The following PDK1 variants were observed in gnomAD, a reference collection of about 807,000 sequenced individuals.
PDK1 encodes the protein [Pyruvate dehydrogenase (acetyl-transferring)] kinase isozyme 1, mitochondrial.
PDK1 carries 39 observed loss-of-function variants against 54.2 expected under a neutral mutation model. The observed-to-expected ratio is 0.72, with a 90% CI of 0.56 to 0.94. PDK1 has a LOEUF of 0.94. PDK1 is among the 40% of genes least tolerant of loss of function. PDK1 has a pLI of 0.00. For missense variants in PDK1, 552 were observed against 566.0 expected (o/e 0.98, Z 0.25); for synonymous variants, 221 against 207.1 (o/e 1.07, Z -0.58).
Position 172,568,874 on chromosome 2 carries a change from G to T in PDK1, c.846+57G>T, listed in dbSNP as rs532859026. 17 of 980,478 alleles carry T rather than the reference G, an allele frequency of 1.7e-5. No individual in the cohort carries two copies. The African/African-American group carries it at 2.2e-4, about 13-fold the overall frequency. The allele number at this position is 980,478 out of a possible 1,614,324, so 60.7% of individuals were successfully genotyped here. On this transcript the variant is annotated intron_variant, in intron 7 of 10. Transcript: ENST00000282077. ...AGTACTTTTCTGAGGTTAGGAATCTGCTCTGAAAGCCAAATATTCCACTAG... is the reference window on the plus strand; with the variant it reads ...AGTACTTTTCTGAGGTTAGGAATCTTCTCTGAAAGCCAAATATTCCACTAG...
At chr2:172,708,024 C>A in the PDK1 span, among the ~76,000 whole-genome samples, 4 of 152,218 alleles carry the variant, frequency 2.6e-5, no homozygotes, top group African/African-American at 9.6e-5. Flanking sequence ...AATGACCAGC[C>A]AGGCGTGGTG....
At chr2:172,562,465 G>C (rs190795180) in intron 3 of PDK1, among the ~76,000 whole-genome samples, 174 bp downstream of exon 3, 34 of 152,308 alleles carry the variant, frequency 2.2e-4, no homozygotes, top group African/African-American at 7.5e-4. Context: ...GAAATGCTTC[G>C]TGTTCCTCTT....
At chr2:172,690,329 A>G in the PDK1 span, among the ~76,000 whole-genome samples, 3 of 150,464 alleles carry the variant, frequency 2.0e-5, no homozygotes, top group African/African-American at 4.8e-5. Flanking sequence ...TAGAATGGCA[A>G]TCATCAAAAA....
the PDK1 span, among the ~76,000 whole-genome samples, chr2:172,714,296 GT>G: frequency 6.6e-6 from 1 of 152,150 alleles, no homozygotes; most frequent in East Asian, 1.9e-4. Context: ...TACCAGAACA[GT>G]TTTATATGCT....
the PDK1 span, among the ~76,000 whole-genome samples, chr2:172,652,581 A>G: frequency 6.6e-6 from 1 of 152,172 alleles, no homozygotes; most frequent in Non-Finnish European, 1.5e-5. Flanking sequence ...CATCGTCTCA[A>G]CCCAAAATCT....
At position 172,603,488 on chromosome 2, in the gene PDK1, T is replaced by C. The variant is rs899924303; in HGVS notation, c.*7519T>C. 6.6e-6 allele frequency: 1 copy of C among 152,226 alleles called. No individual in the cohort carries two copies. Among genetic ancestry groups the C allele is most frequent in the Admixed American group, 6.5e-5 (1 of 15,282 alleles). The allele number at this position is 152,226 out of a possible 1,614,324, so 9.4% of individuals were successfully genotyped here. Reference sequence around the variant, plus strand: ...AATGCTTATCTTTGTATCCATTTCATGGGGAAGGTCATGGAAGACGACAGC... The same window carrying C: ...AATGCTTATCTTTGTATCCATTTCACGGGGAAGGTCATGGAAGACGACAGC... On this transcript the variant is annotated 3_prime_UTR_variant, in exon 11 of 11. Coordinates refer to ENST00000282077, the MANE Select transcript of PDK1 (RefSeq NM_002610.5).
At chr2:172,678,026 G>A in the PDK1 span, among the ~76,000 whole-genome samples, 7 of 152,116 alleles carry the variant, frequency 4.6e-5, no homozygotes, top group African/African-American at 7.2e-5. Flanking sequence ...AAAATTAGCC[G>A]GGCATGGTGG....
the PDK1 span, among the ~76,000 whole-genome samples, chr2:172,689,756 T>A: frequency 6.6e-6 from 1 of 150,896 alleles, no homozygotes; most frequent in Non-Finnish European, 1.5e-5. Flanking sequence ...GGCAAAAGAT[T>A]CTCTACTTCA....
chr2:172,557,646 T>TGTGTGTGTGTG (rs1558921740), intron 1 of PDK1, among the ~76,000 whole-genome samples: 1 of 142,206 alleles, frequency 7.0e-6, no homozygotes, highest in African/African-American at 2.6e-5. Context: ...TGTGTGTGTG[T>TGTGTGTGTGTG]ATTTTTTTTT....
chr2:172,717,371 AC>A, the PDK1 span, among the ~76,000 whole-genome samples: 1 of 152,298 alleles, frequency 6.6e-6, no homozygotes, highest in Admixed American at 6.5e-5. Context: ...CAGATTCCTG[AC>A]CCTCAGAAAC....
At chr2:172,640,781 T>C in the PDK1 span, among the ~76,000 whole-genome samples, 1 of 152,168 alleles carries the variant, frequency 6.6e-6, no homozygotes, top group Non-Finnish European at 1.5e-5. Flanking sequence ...AAAGGTTTGC[T>C]GAAAATCACT....
chr2:172,593,165 G>T, intron 10 of PDK1, 117 bp downstream of exon 10: 1 of 513,098 alleles, frequency 1.9e-6, no homozygotes, highest in Non-Finnish European at 3.5e-6. Flanking sequence ...AAAAAACTAT[G>T]GTTTTTTGCT....
chr2:172,566,312 T>C (rs10930563), intron 5 of PDK1, among the ~76,000 whole-genome samples: 5,741 of 152,230 alleles, frequency 0.038, 261 homozygotes, highest in East Asian at 0.21. Flanking sequence ...CCCAGCACTT[T>C]GGAAGGCTGA....
intron 9 of PDK1, among the ~76,000 whole-genome samples, chr2:172,587,190 T>C (rs1337345487): frequency 6.6e-6 from 1 of 152,246 alleles, no homozygotes; most frequent in Non-Finnish European, 1.5e-5. Flanking sequence ...AGAATGAAGC[T>C]GCGGACCCTC....
At chr2:172,611,251 T>G (rs1691453036), downstream of PDK1, among the ~76,000 whole-genome samples, 1 of 152,334 alleles carries the variant, frequency 6.6e-6, no homozygotes, top group East Asian at 1.9e-4. Context: ...TCATATTTTG[T>G]GTGATTCTCT....
the PDK1 span, among the ~76,000 whole-genome samples, chr2:172,628,317 C>T: frequency 2.6e-5 from 4 of 152,220 alleles, no homozygotes; most frequent in Non-Finnish European, 4.4e-5. Flanking sequence ...TGCAAACCAC[C>T]ATGTGGATAT....
the PDK1 span, among the ~76,000 whole-genome samples, chr2:172,713,487 C>G: frequency 6.6e-6 from 1 of 152,222 alleles, no homozygotes; most frequent in Admixed American, 6.5e-5. Context: ...GCCCCCTTGG[C>G]CACTCTCTCA....
At chr2:172,622,276 A>G in the PDK1 span, among the ~76,000 whole-genome samples, 6 of 132,824 alleles carry the variant, frequency 4.5e-5, no homozygotes, top group Non-Finnish European at 9.4e-5. Flanking sequence ...AGATATGTTT[A>G]TATCTCATAT....
the PDK1 span, among the ~76,000 whole-genome samples, chr2:172,630,193 G>A: frequency 6.6e-6 from 1 of 152,150 alleles, no homozygotes; most frequent in African/African-American, 2.4e-5. Context: ...TTATTTACTT[G>A]TGATTTTGGA....
Sources: allele counts gnomAD v4.1 joint callset (sites outside exome capture counted in the v4.1 genomes callset), GRCh38; gene constraint gnomAD v4.1.1; transcripts MANE v1.5; gene names NCBI Gene and HGNC (gene_info 2026-07-23, HGNC 2026-07-21).